The following RPH3AL variants were observed in gnomAD, a reference collection of about 807,000 sequenced individuals.
RPH3AL encodes the protein rab effector Noc2.
In RPH3AL, 38 loss-of-function variants were observed where a neutral mutation model predicts 43.1. That is an observed-to-expected ratio of 0.88 (90% CI 0.68 to 1.15). RPH3AL has a LOEUF of 1.15. Among genes scored for constraint, RPH3AL ranks in the 50% most tolerant of loss-of-function variants. The probability of loss-of-function intolerance (pLI) is 0.00; values close to 1 mark genes in which losing one functional copy is unlikely to be tolerated. For missense variants in RPH3AL, 462 were observed against 423.2 expected (o/e 1.09, Z -0.81); for synonymous variants, 189 against 176.3 (o/e 1.07, Z -0.57).
chr17:242,911 A>ATTGACTACCTTCCTCTG (rs2041602957), intron 7 of RPH3AL, among the ~76,000 whole-genome samples: 4 of 118,376 alleles, frequency 3.4e-5, no homozygotes, highest in Admixed American at 9.0e-5. Context: ...ACCTTCCTCT[A>ATTGACTACCTTCCTCTG]TTGATTACCC....
At chr17:316,642 G>A (rs2044219517) in intron 5 of RPH3AL, among the ~76,000 whole-genome samples, 14 of 132,400 alleles carry the variant, frequency 1.1e-4, no homozygotes, top group South Asian at 2.5e-4. Flanking sequence ...CACCTCCATT[G>A]ACCTGCAGTG....
chr17:338,190 G>T (rs2045011513), intron 1 of RPH3AL, among the ~76,000 whole-genome samples: 1 of 152,152 alleles, frequency 6.6e-6, no homozygotes, highest in African/African-American at 2.4e-5. Flanking sequence ...GGCTGGGCGT[G>T]GTGGCTCACA....
At chr17:301,700 A>G (rs1417851132) in intron 5 of RPH3AL, among the ~76,000 whole-genome samples, 7 of 152,052 alleles carry the variant, frequency 4.6e-5, no homozygotes, top group Non-Finnish European at 1.0e-4. Context: ...CGGCCTCCCA[A>G]AGTCCTGGAA....
At chr17:282,250 C>T (rs772562487) in intron 5 of RPH3AL, among the ~76,000 whole-genome samples, 5 of 152,204 alleles carry the variant, frequency 3.3e-5, no homozygotes, top group East Asian at 1.9e-4. Flanking sequence ...GGAAATAATG[C>T]GATTCAACAA....
intron 6 of RPH3AL, among the ~76,000 whole-genome samples, chr17:268,956 G>A (rs550753827): frequency 2.6e-5 from 4 of 152,172 alleles, no homozygotes; most frequent in South Asian, 2.1e-4. Flanking sequence ...TCGGCTCACC[G>A]CAAGCTCTGC....
chr17:295,955 A>ATGG, intron 5 of RPH3AL, among the ~76,000 whole-genome samples: 2 of 109,198 alleles, frequency 1.8e-5, no homozygotes, highest in Admixed American at 8.5e-5. Context: ...GCAGAAATGG[A>ATGG]AAGCAGAGGG....
rs1360252661 is a variant in RPH3AL at position 345,739 on chromosome 17, G to A, written c.-213+6973C>T. ...GCGTGCATACCCTACTGGGGCACGC[G>A]TGCTCCCCATCTGCGTGCACACCCT... On this transcript the variant is annotated intron_variant, in intron 1 of 9. Transcript: ENST00000331302. Among the ~76,000 whole-genome samples the A allele has an allele frequency of 1.2e-4, 15 of 124,974 alleles. 4 individuals carry two copies. The highest frequency in any genetic ancestry group is 2.4e-4 in the Non-Finnish European group (13 of 54,748). 82.0% of individuals were successfully genotyped at this position (124,974 alleles called of 152,430 possible).
At chr17:320,469 C>G (rs1021198819) in intron 4 of RPH3AL, among the ~76,000 whole-genome samples, 2 of 149,710 alleles carry the variant, frequency 1.3e-5, no homozygotes, top group Non-Finnish European at 3.0e-5. Context: ...GACCCCATCT[C>G]TACAAAAAAA....
intron 6 of RPH3AL, among the ~76,000 whole-genome samples, chr17:253,012 G>A (rs1555543176): frequency 6.6e-6 from 1 of 152,180 alleles, no homozygotes; most frequent in East Asian, 1.9e-4. Context: ...CACATTCCCA[G>A]GAGGCTACAG....
In RPH3AL at chr17:283,301, G is replaced by A. The variant is rs1015783779; in HGVS notation, c.352-1447C>T. ...TCCACGTCGAGCGTGTCGAGCGTGTGGAGGTCACTGGCCTGATCGGGTGGC... is the reference window on the plus strand; with the variant it reads ...TCCACGTCGAGCGTGTCGAGCGTGTAGAGGTCACTGGCCTGATCGGGTGGC... On this transcript the variant is annotated intron_variant, in intron 5 of 9. Coordinates refer to ENST00000331302, the MANE Select transcript of RPH3AL (RefSeq NM_006987.4). The surrounding 1 kb of genome is among the most constrained non-coding windows in gnomAD (Gnocchi z 4.2). 6.6e-6 allele frequency among the ~76,000 whole-genome samples: 1 copy of A among 152,206 alleles called. No individual in the cohort carries two copies. Among genetic ancestry groups the A allele is most frequent in the Non-Finnish European group, 1.5e-5 (1 of 68,034 alleles).
Position 321,264 on chromosome 17 carries a change from C to T in RPH3AL, c.221+8G>A, listed in dbSNP as rs200391072. On this transcript the variant is annotated splice_region_variant and intron_variant, in intron 4 of 9. Transcript: ENST00000331302. ...CCTCCCACTGAGCTGGCCCCGGCCC[C>T]GCCTCACCCGATTCTCTGCTGCTCC... The T allele has an allele frequency of 9.3e-4, 1,495 of 1,604,218 alleles. 1 individual carries two copies. Among genetic ancestry groups the T allele is most frequent in the Middle Eastern group, 3.0e-3 (18 of 6,046 alleles).
chr17:223,064 C>T lies in RPH3AL; in HGVS notation c.614-3328G>A, dbSNP rs145030054. ...AGTAAGCTTGGCGTTGTGATGGGCA[C>T]GTGTACTCCCAGCTACTCGGGAGGC... On this transcript the variant is annotated intron_variant, in intron 7 of 9. Coordinates refer to ENST00000331302, the MANE Select transcript of RPH3AL (RefSeq NM_006987.4). Among the ~76,000 whole-genome samples the T allele has an allele frequency of 2.6e-3, 395 of 152,160 alleles. 1 individual carries two copies. Among genetic ancestry groups the T allele is most frequent in the African/African-American group, 8.7e-3 (360 of 41,498 alleles).
chr17:334,912 G>C (rs575599768), intron 1 of RPH3AL, among the ~76,000 whole-genome samples: 1 of 152,272 alleles, frequency 6.6e-6, no homozygotes, highest in South Asian at 2.1e-4. Flanking sequence ...ACCCCAGCAA[G>C]TGCGGCTCCT....
chr17:245,476 T>C lies in RPH3AL; in HGVS notation c.613+1635A>G, dbSNP rs1360684582. ...GCGGTTGTGTTTGTGTGCGTGGATGTGAGTGTGTGTGTATGCCCTGACTTG... is the reference window on the plus strand; with the variant it reads ...GCGGTTGTGTTTGTGTGCGTGGATGCGAGTGTGTGTGTATGCCCTGACTTG... On this transcript the variant is annotated intron_variant, in intron 7 of 9. Coordinates refer to ENST00000331302, the MANE Select transcript of RPH3AL (RefSeq NM_006987.4). This position sits in a 1 kb window ranked among gnomAD's most constrained non-coding sequence, Gnocchi z 5.9. Among the ~76,000 whole-genome samples the C allele has an allele frequency of 6.6e-6, 1 of 151,656 alleles. No individual in the cohort carries two copies. Among genetic ancestry groups the C allele is most frequent in the Non-Finnish European group, 1.5e-5 (1 of 67,924 alleles).
chr17:253,086 G>A (rs1018858495), intron 6 of RPH3AL, among the ~76,000 whole-genome samples: 3 of 152,198 alleles, frequency 2.0e-5, no homozygotes, highest in Non-Finnish European at 4.4e-5. Flanking sequence ...CCTCCTCTGT[G>A]GACCCTGATC....
intron 5 of RPH3AL, among the ~76,000 whole-genome samples, chr17:282,650 A>G (rs2042809278): frequency 6.6e-6 from 1 of 152,228 alleles, no homozygotes; most frequent in South Asian, 2.1e-4. Flanking sequence ...AAACAAGAAT[A>G]TGTCCTGAGA....
chr17:337,331 G>A (rs899233082), intron 1 of RPH3AL, among the ~76,000 whole-genome samples: 4 of 152,092 alleles, frequency 2.6e-5, no homozygotes, highest in Non-Finnish European at 4.4e-5. Context: ...AAACTCCTGG[G>A]CTCAAATGAT....
At chr17:229,720 C>T (rs935603808) in intron 7 of RPH3AL, among the ~76,000 whole-genome samples, 2 of 152,174 alleles carry the variant, frequency 1.3e-5, no homozygotes, top group Admixed American at 6.5e-5. Flanking sequence ...GGGAGAGTGC[C>T]CGGTTCACAC....
At chr17:338,570 T>C (rs1428850491) in intron 1 of RPH3AL, 2 of 152,132 alleles carry the variant, frequency 1.3e-5, no homozygotes, top group African/African-American at 4.8e-5. Flanking sequence ...TAGGTACCTG[T>C]GGCCCCTGAG....
Sources: allele counts gnomAD v4.1 joint callset (sites outside exome capture counted in the v4.1 genomes callset), GRCh38; gene constraint gnomAD v4.1.1; non-coding constraint Gnocchi (gnomAD v3.1); transcripts MANE v1.5; gene names NCBI Gene and HGNC (gene_info 2026-07-23, HGNC 2026-07-21).